AEBP2: variants seen among roughly 807,000 people sequenced by gnomAD.
The protein encoded by AEBP2 is zinc finger protein AEBP2.
Under a neutral mutation model 50.8 loss-of-function variants are expected in AEBP2, and 10 were observed. The ratio of observed to expected loss-of-function variants is 0.20; its 90% CI spans 0.12 to 0.33. The LOEUF is 0.33. AEBP2 is among the 10% of genes least tolerant of loss of function. AEBP2 has a pLI of 1.00. For synonymous variants in AEBP2, 296 were observed against 261.3 expected (o/e 1.13, Z -1.28); for missense variants, 570 against 688.0 (o/e 0.83, Z 1.92).
At chr12:19,464,096 G>A (rs1407066806) in intron 2 of AEBP2, among the ~76,000 whole-genome samples, 1 of 152,190 alleles carries the variant, frequency 6.6e-6, no homozygotes, top group African/African-American at 2.4e-5. Context: ...TATGTATGAT[G>A]TCTGAGTAAC....
At chr12:19,430,606 T>C (rs2095750916) in intron 1 of AEBP2, among the ~76,000 whole-genome samples, 1 of 152,162 alleles carries the variant, frequency 6.6e-6, no homozygotes, top group Non-Finnish European at 1.5e-5. Flanking sequence ...TTCCTACCCA[T>C]GAGCATGGAA....
rs1048771708 is a variant in AEBP2 at position 19,521,097 on chromosome 12, C to T, written c.*2980C>T. 2 of 152,166 alleles carry T rather than the reference C, an allele frequency of 1.3e-5. No individual in the cohort carries two copies. The highest frequency in any genetic ancestry group is 2.9e-5 in the Non-Finnish European group (2 of 68,034). 9.4% of individuals were successfully genotyped at this position (152,166 alleles called of 1,614,324 possible). Reference sequence around the variant, plus strand: ...AAAAAATCAAAAATCTGAAATACTTCTGGTCCCAAGCATTTCGGATAAGGG... The same window carrying T: ...AAAAAATCAAAAATCTGAAATACTTTTGGTCCCAAGCATTTCGGATAAGGG... On this transcript the variant is annotated 3_prime_UTR_variant, in exon 8 of 8. Coordinates refer to ENST00000266508, the MANE Select transcript of AEBP2 (RefSeq NM_153207.5).
chr12:19,404,790 T>C (rs2095735249), intron 1 of AEBP2, among the ~76,000 whole-genome samples: 1 of 152,086 alleles, frequency 6.6e-6, no homozygotes, highest in African/African-American at 2.4e-5. Flanking sequence ...TTCTCAGTTC[T>C]CCCTTATCTG....
chr12:19,443,097 CT>C (rs1486117614), intron 1 of AEBP2, among the ~76,000 whole-genome samples: 2 of 80,804 alleles, frequency 2.5e-5, no homozygotes, highest in Non-Finnish European at 4.6e-5. Context: ...TGTTAAATAT[CT>C]TTTTCTTTTT....
At chr12:19,416,186 A>G (rs1056813815) in intron 1 of AEBP2, among the ~76,000 whole-genome samples, 7 of 152,186 alleles carry the variant, frequency 4.6e-5, no homozygotes, top group African/African-American at 1.7e-4. Flanking sequence ...TGTCTTTAAA[A>G]AACAAAAGAA....
intron 3 of AEBP2, among the ~76,000 whole-genome samples, chr12:19,484,443 C>T (rs1858380324): frequency 2.0e-5 from 3 of 150,788 alleles, no homozygotes; most frequent in Admixed American, 6.6e-5. Flanking sequence ...GGTGTGATCT[C>T]GGTTCACTGC....
chr12:19,420,046 G>A (rs1198738297), intron 1 of AEBP2, among the ~76,000 whole-genome samples: 2 of 124,220 alleles, frequency 1.6e-5, no homozygotes, highest in East Asian at 4.7e-4. Flanking sequence ...TTTTTGAGAT[G>A]GAGTTTTGCT....
At chr12:19,486,448 G>A (rs1948811281) in intron 3 of AEBP2, among the ~76,000 whole-genome samples, 1 of 151,946 alleles carries the variant, frequency 6.6e-6, no homozygotes, top group Non-Finnish European at 1.5e-5. Flanking sequence ...TTGGAGTACA[G>A]TGGCCTGATC....
At chr12:19,413,124 AT>A (rs1318861308) in intron 1 of AEBP2, 1 of 698,370 alleles carries the variant, frequency 1.4e-6, no homozygotes, top group Non-Finnish European at 2.7e-6. Context: ...TCCGGAATTC[AT>A]TTGTTCTGAC....
intron 4 of AEBP2, among the ~76,000 whole-genome samples, chr12:19,494,452 A>G (rs1339795455): frequency 6.6e-6 from 1 of 151,860 alleles, no homozygotes; most frequent in Non-Finnish European, 1.5e-5. Context: ...CCAACAACAA[A>G]AAAAACCACC....
At chr12:19,444,738 T>A (rs753325989) in intron 1 of AEBP2, among the ~76,000 whole-genome samples, 26 of 152,252 alleles carry the variant, frequency 1.7e-4, no homozygotes, top group Non-Finnish European at 3.1e-4. Context: ...CTTGAATGCG[T>A]GCATCTTTTC....
At chr12:19,502,940 C>T (rs775054380) in intron 5 of AEBP2, among the ~76,000 whole-genome samples, 7 of 152,184 alleles carry the variant, frequency 4.6e-5, no homozygotes, top group Non-Finnish European at 1.0e-4. Context: ...CGAGCCACCA[C>T]GCTTGGCTGT....
chr12:19,454,202 C>T (rs998302092), intron 1 of AEBP2, among the ~76,000 whole-genome samples: 1 of 152,142 alleles, frequency 6.6e-6, no homozygotes, highest in Non-Finnish European at 1.5e-5. Flanking sequence ...ATTAGTTCTA[C>T]TGATTTAGGA....
At chr12:19,499,614 T>C (rs1358571859) in intron 4 of AEBP2, among the ~76,000 whole-genome samples, 1 of 112,166 alleles carries the variant, frequency 8.9e-6, no homozygotes, top group Non-Finnish European at 2.0e-5. Flanking sequence ...ACTCTGTCTC[T>C]TAAAAAAAAA....
chr12:19,495,517 T>G (rs1263206814), intron 4 of AEBP2, among the ~76,000 whole-genome samples: 1 of 151,910 alleles, frequency 6.6e-6, no homozygotes. Flanking sequence ...AAAAGTAAAC[T>G]TTCTTAAACT....
intron 3 of AEBP2, among the ~76,000 whole-genome samples, chr12:19,489,939 C>A (rs1459188543): frequency 8.2e-6 from 1 of 122,294 alleles, no homozygotes; most frequent in East Asian, 2.4e-4. Flanking sequence ...TGTTAGAATT[C>A]TCATTACTGG....
At chr12:19,407,371 CA>C in intron 1 of AEBP2, among the ~76,000 whole-genome samples, 1 of 152,002 alleles carries the variant, frequency 6.6e-6, no homozygotes, top group Non-Finnish European at 1.5e-5. Flanking sequence ...AATCTTGGCT[CA>C]CTGCAACCTC....
intron 1 of AEBP2, among the ~76,000 whole-genome samples, chr12:19,409,737 C>T (rs2095738268): frequency 6.6e-6 from 1 of 152,208 alleles, no homozygotes; most frequent in Admixed American, 6.6e-5. Context: ...ATCAGACCAG[C>T]TTAGTGGAAG....
chr12:19,503,722 C>T (rs1177160926), intron 5 of AEBP2, among the ~76,000 whole-genome samples: 3 of 151,390 alleles, frequency 2.0e-5, no homozygotes, highest in Admixed American at 1.3e-4. Context: ...CAGGATCTTG[C>T]TGTGTTGCCC....
Sources: allele counts gnomAD v4.1 joint callset (sites outside exome capture counted in the v4.1 genomes callset), GRCh38; gene constraint gnomAD v4.1.1; transcripts MANE v1.5; gene names NCBI Gene and HGNC (gene_info 2026-07-23, HGNC 2026-07-21).